The following SCN8A variants were observed in gnomAD, a reference collection of about 807,000 sequenced individuals.
SCN8A encodes the protein sodium voltage-gated channel alpha subunit 8.
In SCN8A, 30 loss-of-function variants were observed where a neutral mutation model predicts 184.1. The ratio of observed to expected loss-of-function variants is 0.16; its 90% CI spans 0.12 to 0.22. SCN8A has a LOEUF of 0.22. SCN8A is among the 10% of genes least tolerant of loss of function. The pLI, the probability that SCN8A is intolerant of heterozygous loss-of-function variation, is 1.00. For synonymous variants in SCN8A, 852 were observed against 907.0 expected (o/e 0.94, Z 1.09); for missense variants, 1,057 against 2,498.9 (o/e 0.42, Z 12.30).
chr12:51,656,921 C>T (rs1940832235), intron 1 of SCN8A, among the ~76,000 whole-genome samples: 2 of 152,048 alleles, frequency 1.3e-5, no homozygotes, highest in Admixed American at 1.3e-4. Context: ...CAAAATGGTT[C>T]AGCCACAAAA....
In SCN8A at chr12:51,765,663, T is replaced by TC. The variant is rs754698110; in HGVS notation, c.2545-8_2545-7insC. On this transcript the variant is annotated splice_region_variant and splice_polypyrimidine_tract_variant and intron_variant, in intron 15 of 26. Transcript: ENST00000627620. ...TTATTTTTTTGTTTGGGTTTTTTTT[T>TC]TCCTTAGCTCCGAGTCTTCAAATTG... is the stretch of plus-strand genomic sequence containing the variant. 5 of 1,508,886 alleles carry TC rather than the reference T, an allele frequency of 3.3e-6. No individual in the cohort carries two copies. The African/African-American group carries it at 7.0e-5, about 21-fold the overall frequency. 93.5% of individuals were successfully genotyped at this position (1,508,886 alleles called of 1,614,324 possible). A position where few individuals can be genotyped will look rare whatever the true frequency, so the allele number is the denominator to read the frequency against.
At position 51,769,054 on chromosome 12, in the gene SCN8A, G is replaced by T. The variant is rs1213802783; in HGVS notation, c.3091G>T (p.Val1031Leu). 1 of 1,614,030 alleles carries T rather than the reference G, an allele frequency of 6.2e-7. No individual in the cohort carries two copies. The highest frequency in any genetic ancestry group is 1.1e-5 in the South Asian group (1 of 91,076). ...CTTTAAGCAGCGTGAGGCTGATGAG[G>T]TGAAGCCTCTGGATGAGTTGTATGA... ...AHFKQREADEVKPLDELYEKK... is the reference protein window; with the variant it reads ...AHFKQREADELKPLDELYEKK... Residue 1031 changes from valine (V) to leucine (L), a missense_variant, in exon 17 of 27, where the codon GTG (valine) becomes TTG (leucine). Transcript: ENST00000627620.
chr12:51,698,027 T>C (rs572047088), intron 6 of SCN8A, among the ~76,000 whole-genome samples: 2 of 152,256 alleles, frequency 1.3e-5, no homozygotes, highest in African/African-American at 4.8e-5. Flanking sequence ...CTAATTTTTG[T>C]ATTTTTAGTA....
chr12:51,800,129 A>T (rs1429193008), intron 26 of SCN8A, among the ~76,000 whole-genome samples: 1 of 152,258 alleles, frequency 6.6e-6, no homozygotes, highest in Non-Finnish European at 1.5e-5. Flanking sequence ...TAGGACAGTA[A>T]AGATATATTG....
chr12:51,609,885 G>A (rs1194679791), intron 1 of SCN8A, among the ~76,000 whole-genome samples: 2 of 151,510 alleles, frequency 1.3e-5, no homozygotes, highest in Non-Finnish European at 2.9e-5. Context: ...TGAAGAGTTA[G>A]TGGGTGCAGC....
intron 6 of SCN8A, among the ~76,000 whole-genome samples, chr12:51,692,815 T>C (rs1379939564): frequency 6.6e-6 from 1 of 152,230 alleles, no homozygotes; most frequent in Non-Finnish European, 1.5e-5. Context: ...CGAAAGAGTT[T>C]CTCAGGTTCT....
At position 51,806,246 on chromosome 12, in the gene SCN8A, T is replaced by C. The variant is rs1938699219; in HGVS notation, c.4796-36T>C. 6.7e-7 allele frequency: 1 copy of C among 1,494,710 alleles called. No homozygotes were observed. Among genetic ancestry groups the C allele is most frequent in the East Asian group, 2.3e-5 (1 of 43,626 alleles). The allele number at this position is 1,494,710 out of a possible 1,614,324, so 92.6% of individuals were successfully genotyped here. ...AAATAAAGAGAAAGGGTGTCTCCCA[T>C]CTCAATAACATAACTTCTTCTATTC... On this transcript the variant is annotated intron_variant, in intron 26 of 26. Coordinates refer to ENST00000627620, the MANE Select transcript of SCN8A (RefSeq NM_001330260.2). The surrounding 1 kb of genome is among the most constrained non-coding windows in gnomAD (Gnocchi z 8.7).
intron 2 of SCN8A, 94 bp downstream of exon 2, chr12:51,663,187 T>C (rs1343076174): frequency 1.4e-6 from 2 of 1,419,868 alleles, no homozygotes; most frequent in Non-Finnish European, 1.9e-6. Context: ...TGCCAAAGTT[T>C]GGATAAGTAG....
intron 6 of SCN8A, among the ~76,000 whole-genome samples, chr12:51,691,984 C>T (rs1941517480): frequency 6.6e-6 from 1 of 152,168 alleles, no homozygotes; most frequent in Non-Finnish European, 1.5e-5. Context: ...TCTGGGCCAT[C>T]TCTTGCTTGG....
At chr12:51,777,452 A>G (rs151083545) in intron 20 of SCN8A, among the ~76,000 whole-genome samples, 4 of 152,004 alleles carry the variant, frequency 2.6e-5, no homozygotes, top group Admixed American at 6.5e-5. Flanking sequence ...TGTCTCCTCA[A>G]TTCCTTTTTT....
At chr12:51,683,537 A>G (rs1941369797) in intron 2 of SCN8A, among the ~76,000 whole-genome samples, 1 of 151,908 alleles carries the variant, frequency 6.6e-6, no homozygotes, top group Non-Finnish European at 1.5e-5. Context: ...CTTTGCTGAA[A>G]TCTCTCTTCT....
rs868465042 is a variant in SCN8A, at chr12:51,618,510, G to C, written c.-55+27151G>C. ...ACACACACACACACACACACACACA[G>C]AAAGAAAAAAAGGCAAAACTCTGCT... On this transcript the variant is annotated intron_variant, in intron 1 of 26. Coordinates refer to ENST00000627620, the MANE Select transcript of SCN8A (RefSeq NM_001330260.2). 2.5e-3 allele frequency among the ~76,000 whole-genome samples: 328 copies of C among 133,862 alleles called. 2 individuals carry two copies. The highest frequency in any genetic ancestry group is 9.0e-3 in the African/African-American group (284 of 31,592). The allele number at this position is 133,862 out of a possible 152,430, so 87.8% of individuals were successfully genotyped here.
chr12:51,751,615 C>A (rs191442852), intron 14 of SCN8A, 22 bp downstream of exon 14: 1 of 1,533,134 alleles, frequency 6.5e-7, no homozygotes, highest in Non-Finnish European at 9.0e-7. Context: ...CACTGTCTCC[C>A]GATATTAGGA....
Position 51,791,070 on chromosome 12 carries a change from G to A in SCN8A, c.4524+568G>A, listed in dbSNP as rs970950924. Among the ~76,000 whole-genome samples, 4 of 152,150 alleles carry A rather than the reference G, an allele frequency of 2.6e-5. No individual in the cohort carries two copies. The East Asian group carries it at 7.7e-4, about 29-fold the overall frequency. On this transcript the variant is annotated intron_variant, in intron 25 of 26. Coordinates refer to ENST00000627620, the MANE Select transcript of SCN8A (RefSeq NM_001330260.2). ...CTCCATTGTTCCATTGGTGATGGTT[G>A]TCTTGTTTCAGAGAAGGAGAAGGAG... is the stretch of plus-strand genomic sequence containing the variant.
At chr12:51,695,990 C>G (rs1941586497) in intron 6 of SCN8A, among the ~76,000 whole-genome samples, 1 of 152,146 alleles carries the variant, frequency 6.6e-6, no homozygotes, top group African/African-American at 2.4e-5. Flanking sequence ...GAGCTCCCAG[C>G]CCAGGAAAAT....
chr12:51,770,584 G>A lies in SCN8A; in HGVS notation c.3546G>A (p.Lys1182=), dbSNP rs1838833416. 6.2e-7 allele frequency: 1 copy of A among 1,613,878 alleles called. No homozygotes were observed. Among genetic ancestry groups the A allele is most frequent in the Admixed American group, 1.7e-5 (1 of 60,000 alleles). Residue 1182 remains lysine, a synonymous_variant, in exon 19 of 27, where the codon AAG becomes AAA. Transcript: ENST00000627620. ...TCAACATCGAGGAAGGGCTAGGCAA[G>A]TCTTGGTGGATCCTGCGGAAAACCT... ...CQVNIEEGLG[K]SWWILRKTCF... is the part of the protein sequence containing the mutation.
intron 12 of SCN8A, among the ~76,000 whole-genome samples, chr12:51,745,069 T>C (rs1246399810): frequency 6.6e-6 from 1 of 152,172 alleles, no homozygotes; most frequent in African/African-American, 2.4e-5. Context: ...AAGCCTGAAC[T>C]GATGTGGAAT....
chr12:51,765,531 TAGAC>T, intron 15 of SCN8A, 136 bp from the exon 16 acceptor site: 1 of 596,740 alleles, frequency 1.7e-6, no homozygotes. Context: ...GAGACACTGT[TAGAC>T]AGTCCTGGGA....
rs1020379462 is a variant in SCN8A, at chr12:51,808,871, C to T, written c.*1442C>T. 6.6e-6 allele frequency: 1 copy of T among 152,212 alleles called. No individual in the cohort carries two copies. Among genetic ancestry groups the T allele is most frequent in the Non-Finnish European group, 1.5e-5 (1 of 68,058 alleles). The allele number at this position is 152,212 out of a possible 1,614,324, so 9.4% of individuals were successfully genotyped here. ...TCCACTGAGCAGGGCTTCCCTTGCC[C>T]ACAGAGGTGGGTGAGGGTAGCAGCA... is the stretch of plus-strand genomic sequence containing the variant. On this transcript the variant is annotated 3_prime_UTR_variant, in exon 27 of 27. Coordinates refer to ENST00000627620, the MANE Select transcript of SCN8A (RefSeq NM_001330260.2).
Sources: gnomAD v4.1 joint callset for allele counts (sites outside exome capture counted in the v4.1 genomes callset) on GRCh38, gnomAD v4.1.1 for gene constraint, Gnocchi (gnomAD v3.1) non-coding constraint, MANE v1.5 for transcripts, NCBI Gene and HGNC (gene_info 2026-07-23, HGNC 2026-07-21) for gene names.